The following PHF14 variants were observed in gnomAD, a reference collection of about 807,000 sequenced individuals.
PHF14 encodes PHD finger protein 14.
A neutral mutation model predicts 117.9 loss-of-function variants in PHF14; 55 were observed. The observed-to-expected ratio is 0.47, with a 90% CI of 0.38 to 0.58. The LOEUF is 0.58. Among genes scored for constraint, PHF14 ranks in the 20% least tolerant of loss-of-function variants. PHF14 has a pLI of 0.00. For synonymous variants in PHF14, 409 were observed against 368.6 expected (o/e 1.11, Z -1.26); for missense variants, 978 against 1,122.2 (o/e 0.87, Z 1.84).
intron 14 of PHF14, 145 bp from the exon 15 acceptor site, chr7:11,061,646 T>A (rs1031232616): frequency 5.3e-5 from 26 of 486,618 alleles, no homozygotes; most frequent in African/African-American, 4.6e-4. Context: ...AGTAGTCCAA[T>A]ATAGTATTAA....
At chr7:11,002,573 G>A (rs1782914314) in intron 4 of PHF14, among the ~76,000 whole-genome samples, 1 of 152,000 alleles carries the variant, frequency 6.6e-6, no homozygotes, top group Non-Finnish European at 1.5e-5. Context: ...CAGAGTAGCT[G>A]GGACTACAGG....
At chr7:11,028,151 A>C (rs1783988015) in intron 6 of PHF14, among the ~76,000 whole-genome samples, 2 of 152,156 alleles carry the variant, frequency 1.3e-5, no homozygotes, top group African/African-American at 4.8e-5. Flanking sequence ...ATATGCTTGG[A>C]ACATTTACAT....
chr7:10,983,052 G>C lies in PHF14; in HGVS notation c.793G>C (p.Glu265Gln), dbSNP rs754774521. ...NDEDHSSPAS[E>Q]GGCKKKKSKV... ...TGAAGATCATAGTAGCCCTGCCAGT[G>C]AAGGGGGTTGCAAGAAGAAGAAGAG... is the stretch of plus-strand genomic sequence containing the variant. The change falls in exon 3 of 18, where the codon GAA becomes CAA. Residue 265 changes from glutamate (E) to glutamine (Q), a missense_variant. By Grantham distance (29) the Glu-to-Gln change is conservative. Coordinates refer to ENST00000634607, the MANE Select transcript of PHF14 (RefSeq NM_001007157.2). 1.3e-6 allele frequency: 2 copies of C among 1,596,304 alleles called. No homozygotes were observed. Among genetic ancestry groups the C allele is most frequent in the Admixed American group, 3.4e-5 (2 of 59,002 alleles).
intron 6 of PHF14, among the ~76,000 whole-genome samples, chr7:11,025,040 T>C (rs776121697): frequency 3.3e-5 from 5 of 152,160 alleles, no homozygotes; most frequent in Non-Finnish European, 7.3e-5. Context: ...GGTCAAAATA[T>C]CCATATTAAC....
intron 17 of PHF14, among the ~76,000 whole-genome samples, chr7:11,115,036 T>C (rs1787557648): frequency 6.6e-6 from 1 of 152,096 alleles, no homozygotes; most frequent in Non-Finnish European, 1.5e-5. Context: ...ATTTTTCCCT[T>C]ATTTCTTCTT....
intron 2 of PHF14, among the ~76,000 whole-genome samples, chr7:10,980,404 TG>T (rs1257657340): frequency 6.6e-6 from 1 of 152,174 alleles, no homozygotes; most frequent in Non-Finnish European, 1.5e-5. Flanking sequence ...GAGTCAACTC[TG>T]GTTATTATTT....
At chr7:11,134,864 A>G (rs1338298036) in intron 17 of PHF14, among the ~76,000 whole-genome samples, 1 of 152,146 alleles carries the variant, frequency 6.6e-6, no homozygotes, top group African/African-American at 2.4e-5. Context: ...AATTCAGTAG[A>G]GCAACATATA....
chr7:11,104,302 C>T (rs1424044086), intron 16 of PHF14: 1 of 982,336 alleles, frequency 1.0e-6, no homozygotes, highest in Non-Finnish European at 1.2e-6. Flanking sequence ...TACATATAGA[C>T]TGCAAAATTC....
At chr7:10,980,780 T>A (rs192777028) in intron 2 of PHF14, among the ~76,000 whole-genome samples, 1 of 152,312 alleles carries the variant, frequency 6.6e-6, no homozygotes, top group African/African-American at 2.4e-5. Flanking sequence ...TGGACTTCAC[T>A]GGGGGTATTA....
At chr7:11,106,116 A>T (rs773373967) in intron 16 of PHF14, 2 of 984,056 alleles carry the variant, frequency 2.0e-6, no homozygotes, top group Non-Finnish European at 2.4e-6. Context: ...TTTTTATATG[A>T]ATTGTTTTGT....
chr7:11,114,310 CA>C (rs1036066150), intron 17 of PHF14, among the ~76,000 whole-genome samples: 1 of 151,856 alleles, frequency 6.6e-6, no homozygotes, highest in Admixed American at 6.6e-5. Flanking sequence ...TTCTGTGGAC[CA>C]GGGGAAACTC....
chr7:11,073,764 C>A (rs1036920668), intron 16 of PHF14, among the ~76,000 whole-genome samples: 10 of 152,216 alleles, frequency 6.6e-5, no homozygotes, highest in African/African-American at 2.2e-4. Flanking sequence ...TCTGCCTGGA[C>A]ACCTGGGTTC....
intron 17 of PHF14, among the ~76,000 whole-genome samples, chr7:11,138,321 G>A (rs1319942632): frequency 6.6e-6 from 1 of 151,464 alleles, no homozygotes; most frequent in Non-Finnish European, 1.5e-5. Context: ...GATTACAGGC[G>A]TGAGCCACTG....
intron 17 of PHF14, among the ~76,000 whole-genome samples, chr7:11,161,859 TAGG>T (rs1205436852): frequency 6.7e-6 from 1 of 150,324 alleles, no homozygotes. Context: ...GTTACCAATG[TAGG>T]AGCCTCTTAA....
At chr7:11,030,368 T>A (rs984229374) in intron 7 of PHF14, among the ~76,000 whole-genome samples, 1 of 152,186 alleles carries the variant, frequency 6.6e-6, no homozygotes, top group South Asian at 2.1e-4. Context: ...GTTAGTAGGG[T>A]GCTTTTGGAG....
chr7:11,010,087 G>A (rs1783290475), intron 4 of PHF14, among the ~76,000 whole-genome samples: 2 of 152,076 alleles, frequency 1.3e-5, no homozygotes, highest in African/African-American at 4.8e-5. Flanking sequence ...TTGCCTACTT[G>A]TGTGGATGCA....
chr7:10,982,582 G>A lies in PHF14; in HGVS notation c.323G>A (p.Gly108Glu). 1 of 1,505,482 alleles carries A rather than the reference G, an allele frequency of 6.6e-7. No individual in the cohort carries two copies. Among genetic ancestry groups the A allele is most frequent in the African/African-American group, 1.4e-5 (1 of 71,760 alleles). 93.3% of individuals were successfully genotyped at this position (1,505,482 alleles called of 1,614,324 possible). Residue 108 changes from glycine to glutamate, a missense_variant, in exon 3 of 18, where the codon GGA becomes GAA. Physicochemically the swap from Gly to Glu is moderately conservative, Grantham distance 98. Around this residue, in one of 7 missense-constraint regions of PHF14, gnomAD observed 414 missense variants for 376.4 expected, o/e 1.10. Coordinates refer to ENST00000634607, the MANE Select transcript of PHF14 (RefSeq NM_001007157.2). The stretch of plus-strand genomic sequence containing the variant: ...GAAAAGAAGGAAGAAGAAGAAAATG[G>A]AGAAAGACCTAGAAAGAAAAAGGAG... The part of the protein sequence containing the change: ...KMEKKEEEEN[G>E]ERPRKKKEKE...
At position 11,157,034 on chromosome 7, in the gene PHF14, CA is replaced by C. The variant is rs1362796545; in HGVS notation, c.2773-12381del. Among the ~76,000 whole-genome samples the C allele has an allele frequency of 2.0e-5, 3 of 152,214 alleles. No individual in the cohort carries two copies. In the East Asian group the frequency reaches 5.8e-4, roughly 29 times the overall value. ...AGTGTCCTTATATGTTGTCATGGTT[CA>C]GTTATCTTTATCACCTCCATGTATA... On this transcript the variant is annotated intron_variant, in intron 17 of 17. Transcript: ENST00000634607.
At chr7:11,016,322 G>A (rs1783533095) in intron 5 of PHF14, among the ~76,000 whole-genome samples, 1 of 152,072 alleles carries the variant, frequency 6.6e-6, no homozygotes, top group Admixed American at 6.6e-5. Context: ...TTTAGTATAT[G>A]AGCTTCAAAT....
Sources: allele counts gnomAD v4.1 joint callset (sites outside exome capture counted in the v4.1 genomes callset), GRCh38; gene constraint gnomAD v4.1.1; regional missense constraint gnomAD v4.1.1; transcripts MANE v1.5; gene names NCBI Gene and HGNC (gene_info 2026-07-23, HGNC 2026-07-21).